ADGRB3: variants seen among roughly 807,000 people sequenced by gnomAD.
ADGRB3 encodes the protein adhesion G protein-coupled receptor B3.
In ADGRB3, 37 loss-of-function variants were observed where a neutral mutation model predicts 193.4. That is an observed-to-expected ratio of 0.19 (90% CI 0.15 to 0.25). The LOEUF (loss-of-function observed/expected upper bound fraction) is 0.25. Ranked by LOEUF, ADGRB3 falls within the 10% of genes least tolerant of loss-of-function variation. ADGRB3 has a pLI of 1.00. For synonymous variants in ADGRB3, 690 were observed against 644.2 expected, an observed-to-expected ratio of 1.07 and a Z score of -1.08; for missense variants, 1,637 against 1,852.9, an observed-to-expected ratio of 0.88 and a Z score of 2.14.
At chr6:68,852,101 C>A (rs1768415375) in intron 3 of ADGRB3, among the ~76,000 whole-genome samples, 1 of 151,766 alleles carries the variant, frequency 6.6e-6, no homozygotes, top group East Asian at 1.9e-4. Context: ...ATGCTTCCTC[C>A]CAAATACATT....
At chr6:68,757,132 G>C (rs1440226389) in intron 3 of ADGRB3, among the ~76,000 whole-genome samples, 2 of 151,938 alleles carry the variant, frequency 1.3e-5, no homozygotes, top group Admixed American at 6.6e-5. Flanking sequence ...CATCCCTCCT[G>C]TTCTTTTCTG....
chr6:68,936,705 G>T (rs1767494294), intron 5 of ADGRB3, 25 bp downstream of exon 5: 1 of 1,597,700 alleles, frequency 6.3e-7, no homozygotes, highest in Non-Finnish European at 8.6e-7. Flanking sequence ...AACTACAACT[G>T]TGGATGTTAT....
intron 3 of ADGRB3, among the ~76,000 whole-genome samples, chr6:68,648,304 T>C (rs572349479): frequency 1.2e-3 from 184 of 152,284 alleles, no homozygotes; most frequent in African/African-American, 4.3e-3. Flanking sequence ...CACACAATGA[T>C]GATGCCTGAG....
intron 3 of ADGRB3, among the ~76,000 whole-genome samples, chr6:68,867,581 C>T (rs558657293): frequency 6.2e-4 from 94 of 152,226 alleles, no homozygotes; most frequent in African/African-American, 2.2e-3. Context: ...TCTCCAGACC[C>T]CAGAATGGTA....
chr6:69,218,524 G>A (rs769441096), intron 17 of ADGRB3, among the ~76,000 whole-genome samples: 1 of 152,124 alleles, frequency 6.6e-6, no homozygotes, highest in African/African-American at 2.4e-5. Flanking sequence ...GATACTAATA[G>A]GATAAGTTAC....
intron 20 of ADGRB3, among the ~76,000 whole-genome samples, chr6:69,294,088 A>G (rs1767756865): frequency 6.6e-6 from 1 of 152,098 alleles, no homozygotes; most frequent in Non-Finnish European, 1.5e-5. Flanking sequence ...TTACTTGCTT[A>G]ACAAATTCCT....
intron 3 of ADGRB3, among the ~76,000 whole-genome samples, chr6:68,880,723 A>G (rs1002003958): frequency 1.3e-5 from 2 of 152,232 alleles, no homozygotes; most frequent in East Asian, 3.8e-4. Flanking sequence ...TTTTTTCCAC[A>G]GAGCATCTCC....
intron 17 of ADGRB3, among the ~76,000 whole-genome samples, chr6:69,201,744 G>T (rs1216580520): frequency 6.6e-6 from 1 of 151,914 alleles, no homozygotes; most frequent in Non-Finnish European, 1.5e-5. Context: ...CTCCTTCCAT[G>T]AAATTTCTTT....
intron 20 of ADGRB3, among the ~76,000 whole-genome samples, chr6:69,240,827 T>A (rs969881365): frequency 6.6e-6 from 1 of 151,964 alleles, no homozygotes; most frequent in African/African-American, 2.4e-5. Flanking sequence ...TTAATACCTA[T>A]TCCCAATTTT....
At chr6:69,258,830 C>T (rs1766838796) in intron 20 of ADGRB3, among the ~76,000 whole-genome samples, 1 of 152,166 alleles carries the variant, frequency 6.6e-6, no homozygotes, top group Admixed American at 6.5e-5. Context: ...CCTGTTATAC[C>T]TTCAGGAGTT....
chr6:69,325,174 A>G lies in ADGRB3; in HGVS notation c.2965+152A>G, dbSNP rs143212901. On this transcript the variant is annotated intron_variant, in intron 21 of 31. Transcript: ENST00000370598. ...ATGAGCTGGTCAGTTTTGAACATTC[A>G]TTGGTCATTTGGAACTTTAAAAGGA... 3.8e-4 allele frequency: 391 copies of G among 1,040,374 alleles called. 2 individuals are homozygous for G. In the East Asian group the frequency reaches 8.1e-3, roughly 22 times the overall value. 64.4% of individuals were successfully genotyped at this position (1,040,374 alleles called of 1,614,324 possible).
At chr6:69,100,944 AGGAAAGGAGGGAGGGAG>A (rs1773033570) in intron 17 of ADGRB3, among the ~76,000 whole-genome samples, 1 of 3,084 alleles carries the variant, frequency 3.2e-4, no homozygotes, top group Non-Finnish European at 8.3e-4. Flanking sequence ...GAGGGAAGGA[AGGAAAGGAGGGAGGGAG>A]GGAGAAAGGG....
chr6:69,090,290 G>A lies in ADGRB3; in HGVS notation c.2480+14252G>A, dbSNP rs1411170479. Among the ~76,000 whole-genome samples the A allele has an allele frequency of 3.3e-5, 5 of 152,144 alleles. No homozygotes were observed. The East Asian group carries it at 9.6e-4, about 29-fold the overall frequency. ...CTTTAGTATCTCTGGGACCTTGTCT[G>A]TTGTTGAGCCTGTTTGGAAACTTGG... is the stretch of plus-strand genomic sequence containing the variant. On this transcript the variant is annotated intron_variant, in intron 17 of 31. Coordinates refer to ENST00000370598, the MANE Select transcript of ADGRB3 (RefSeq NM_001704.3).
intron 26 of ADGRB3, among the ~76,000 whole-genome samples, chr6:69,342,171 A>G (rs1561993068): frequency 6.6e-6 from 1 of 152,166 alleles, no homozygotes; most frequent in Non-Finnish European, 1.5e-5. Context: ...CTTCTGCTAA[A>G]GTAGGTGTCT....
chr6:69,056,600 T>C (rs1190384697), intron 15 of ADGRB3, among the ~76,000 whole-genome samples: 1 of 152,190 alleles, frequency 6.6e-6, no homozygotes, highest in Admixed American at 6.5e-5. Context: ...TTTTATAGTT[T>C]CTAGTCTTAT....
At position 68,993,907 on chromosome 6, in the gene ADGRB3, A is replaced by C. The variant is rs1769311258; in HGVS notation, c.1874A>C (p.Asn625Thr). The stretch of plus-strand genomic sequence containing the variant: ...CTGATGTCTGTGGAGATCCTGAGAA[A>C]TGTGACAGACACATTTAAAAGGGCA... ...DLLMSVEILR[N>T]VTDTFKRASY... Residue 625 changes from asparagine to threonine, a missense_variant, in exon 11 of 32, where the codon AAT (asparagine) becomes ACT (threonine). This residue lies in a region of ADGRB3 where 641 missense variants were observed against 673.9 expected (regional missense o/e 0.95). Transcript: ENST00000370598. The C allele has an allele frequency of 6.2e-7, 1 of 1,613,906 alleles. No individual in the cohort carries two copies. Among genetic ancestry groups the C allele is most frequent in the East Asian group, 2.2e-5 (1 of 44,870 alleles).
At chr6:68,881,448 C>T (rs1309143933) in intron 3 of ADGRB3, among the ~76,000 whole-genome samples, 1 of 152,096 alleles carries the variant, frequency 6.6e-6, no homozygotes, top group Non-Finnish European at 1.5e-5. Context: ...ATATTCAATT[C>T]AGTATATATT....
chr6:68,729,089 C>CA (rs1765725510), intron 3 of ADGRB3, among the ~76,000 whole-genome samples: 1 of 151,506 alleles, frequency 6.6e-6, no homozygotes, highest in East Asian at 2.0e-4. Flanking sequence ...AAATTGATAA[C>CA]ATTTTTGTAT....
intron 3 of ADGRB3, among the ~76,000 whole-genome samples, chr6:68,925,854 A>G (rs1368302371): frequency 3.9e-5 from 6 of 152,008 alleles, no homozygotes; most frequent in African/African-American, 1.2e-4. Flanking sequence ...CATCTTTATA[A>G]CTTTGGTTCC....
Sources: gnomAD v4.1 joint callset for allele counts (sites outside exome capture counted in the v4.1 genomes callset) on GRCh38, gnomAD v4.1.1 for gene constraint, gnomAD v4.1.1 regional missense constraint, MANE v1.5 for transcripts, NCBI Gene and HGNC (gene_info 2026-07-23, HGNC 2026-07-21) for gene names.